ATG7: variants seen among roughly 807,000 people sequenced by gnomAD.
ATG7 encodes ubiquitin-like modifier-activating enzyme ATG7.
In ATG7, 70 loss-of-function variants were observed where a neutral mutation model predicts 82.4. The ratio of observed to expected loss-of-function variants is 0.85; its 90% CI spans 0.70 to 1.04. The LOEUF (loss-of-function observed/expected upper bound fraction) is 1.04. ATG7 is among the 50% of genes least tolerant of loss of function. ATG7 has a pLI of 0.00. For synonymous variants in ATG7, 287 were observed against 313.0 expected (o/e 0.92, Z 0.88); for missense variants, 792 against 864.3 (o/e 0.92, Z 1.05).
At chr3:11,553,582 C>T (rs2072048159) in intron 20 of ATG7, among the ~76,000 whole-genome samples, 1 of 152,196 alleles carries the variant, frequency 6.6e-6, no homozygotes, top group African/African-American at 2.4e-5. Context: ...TGAGGATGAG[C>T]TCGGTGGGGA....
At chr3:11,541,501 C>T (rs1002898698) in intron 20 of ATG7, among the ~76,000 whole-genome samples, 1 of 152,270 alleles carries the variant, frequency 6.6e-6, no homozygotes, top group Non-Finnish European at 1.5e-5. Context: ...ACTTGGTCTC[C>T]GATGGTCCGG....
chr3:11,391,802 C>T (rs990872964), intron 19 of ATG7, among the ~76,000 whole-genome samples: 3 of 152,140 alleles, frequency 2.0e-5, no homozygotes, highest in East Asian at 1.9e-4. Context: ...CTAGCAAGAG[C>T]GCTTCCCAGT....
At chr3:11,519,649 T>G (rs190242234) in intron 20 of ATG7, among the ~76,000 whole-genome samples, 1 of 131,484 alleles carries the variant, frequency 7.6e-6, no homozygotes, top group Admixed American at 9.3e-5. Flanking sequence ...AAGCTCCCCC[T>G]CCCAGATTCA....
intron 20 of ATG7, among the ~76,000 whole-genome samples, chr3:11,481,894 G>T (rs2089028395): frequency 6.6e-6 from 1 of 152,192 alleles, no homozygotes; most frequent in Admixed American, 6.5e-5. Flanking sequence ...GGCAAGAGTT[G>T]TCAGGCCCAA....
chr3:11,561,949 G>C (rs1286082054), downstream of ATG7, among the ~76,000 whole-genome samples: 2 of 148,424 alleles, frequency 1.3e-5, no homozygotes, highest in African/African-American at 2.5e-5. Flanking sequence ...GTCCAGGCTG[G>C]AGTGCAGTGA....
the ATG7 span, among the ~76,000 whole-genome samples, chr3:11,575,189 G>C: frequency 7.2e-5 from 11 of 152,284 alleles, no homozygotes; most frequent in Admixed American, 7.2e-4. Flanking sequence ...CCAATGCCCG[G>C]AGGGTTTCAA....
intron 20 of ATG7, among the ~76,000 whole-genome samples, chr3:11,543,470 C>T (rs2071010364): frequency 6.6e-6 from 1 of 152,210 alleles, no homozygotes; most frequent in Admixed American, 6.5e-5. Flanking sequence ...CAATGGTTCC[C>T]TGAGAAGAGG....
At chr3:11,490,742 C>G (rs13068910) in intron 20 of ATG7, among the ~76,000 whole-genome samples, 24,193 of 148,732 alleles carry the variant, frequency 0.16, 2,770 homozygotes, top group South Asian at 0.35. Context: ...GCTTAGTTTG[C>G]CTGGATATGA....
At chr3:11,500,292 A>G (rs929375206) in intron 20 of ATG7, among the ~76,000 whole-genome samples, 3 of 152,240 alleles carry the variant, frequency 2.0e-5, no homozygotes, top group Non-Finnish European at 4.4e-5. Context: ...AGGTGGAGAC[A>G]TAAAACTGCT....
At chr3:11,450,732 A>C (rs2085035059) in intron 20 of ATG7, among the ~76,000 whole-genome samples, 1 of 152,170 alleles carries the variant, frequency 6.6e-6, no homozygotes, top group Non-Finnish European at 1.5e-5. Flanking sequence ...CAAGCTGCAC[A>C]TGGGCCCTGC....
intron 20 of ATG7, among the ~76,000 whole-genome samples, chr3:11,518,494 C>T (rs2092345930): frequency 6.6e-6 from 1 of 151,470 alleles, no homozygotes; most frequent in Non-Finnish European, 1.5e-5. Context: ...TTGCAGTGGC[C>T]TGAGATCGTG....
At chr3:11,492,034 G>T (rs183201219) in intron 20 of ATG7, among the ~76,000 whole-genome samples, 186 of 152,292 alleles carry the variant, frequency 1.2e-3, no homozygotes, top group African/African-American at 4.4e-3. Flanking sequence ...AGCAAGCCTT[G>T]GCAATGGTGG....
At chr3:11,382,443 G>T (rs2077980056) in intron 19 of ATG7, among the ~76,000 whole-genome samples, 1 of 152,198 alleles carries the variant, frequency 6.6e-6, no homozygotes, top group Non-Finnish European at 1.5e-5. Context: ...GGCACATAAC[G>T]AGGTGAATTG....
intron 20 of ATG7, among the ~76,000 whole-genome samples, chr3:11,437,291 G>T (rs1222852787): frequency 6.6e-6 from 1 of 152,176 alleles, no homozygotes; most frequent in Non-Finnish European, 1.5e-5. Context: ...CAAAGCCTTA[G>T]TCTCTGTGCA....
chr3:11,299,079 CA>C, intron 4 of ATG7: 1 of 594,938 alleles, frequency 1.7e-6, no homozygotes, highest in South Asian at 2.3e-5. Context: ...ATTATTAATC[CA>C]AATAATACCC....
In ATG7 at chr3:11,314,522, G is replaced by T. The variant is rs190730622; in HGVS notation, c.529-822G>T. 1.1e-4 allele frequency among the ~76,000 whole-genome samples: 17 copies of T among 152,252 alleles called. No homozygotes were observed. In the South Asian group the frequency reaches 3.5e-3, roughly 32 times the overall value. ...TTGGCTGAGTATTGACTGCTGGCAG[G>T]TATGGGGTTTCTTTTATTGAGGACA... On this transcript the variant is annotated intron_variant, in intron 8 of 20. Transcript: ENST00000693202.
At chr3:11,336,140 T>A (rs1229857595) in intron 11 of ATG7, among the ~76,000 whole-genome samples, 1 of 151,350 alleles carries the variant, frequency 6.6e-6, no homozygotes, top group Non-Finnish European at 1.5e-5. Flanking sequence ...CAAAAGCAAT[T>A]CTTCTGCCTC....
At chr3:11,343,404 A>G (rs1194672144) in intron 13 of ATG7, among the ~76,000 whole-genome samples, 1 of 151,618 alleles carries the variant, frequency 6.6e-6, no homozygotes, top group Non-Finnish European at 1.5e-5. Context: ...GTTTAATTTT[A>G]TTTCTTTTGT....
chr3:11,421,638 T>C (rs2081952451), intron 19 of ATG7, among the ~76,000 whole-genome samples: 1 of 152,214 alleles, frequency 6.6e-6, no homozygotes, highest in Non-Finnish European at 1.5e-5. Context: ...CTTTTGATGT[T>C]GATATTTTGA....
Sources: allele counts gnomAD v4.1 joint callset (sites outside exome capture counted in the v4.1 genomes callset), GRCh38; gene constraint gnomAD v4.1.1; transcripts MANE v1.5; gene names NCBI Gene and HGNC (gene_info 2026-07-23, HGNC 2026-07-21).